The following TSHZ2 variants were observed in gnomAD, a reference collection of about 807,000 sequenced individuals.
TSHZ2 encodes teashirt zinc finger homeobox 2.
A neutral mutation model predicts 74.4 loss-of-function variants in TSHZ2; 21 were observed. That is an observed-to-expected ratio of 0.28 (90% confidence interval 0.20 to 0.41). TSHZ2 has a LOEUF of 0.41. Ranked by LOEUF, TSHZ2 falls within the 10% of genes least tolerant of loss-of-function variation. TSHZ2 has a pLI of 1.00. For synonymous variants in TSHZ2, 540 were observed against 515.3 expected (o/e 1.05, Z -0.65); for missense variants, 1,244 against 1,293.5 (o/e 0.96, Z 0.59).
rs145272176 is a variant in TSHZ2, at chr20:53,272,761, A to G, written c.*8+16190A>G. Among the ~76,000 whole-genome samples the G allele has an allele frequency of 3.0e-3, 457 of 152,274 alleles. 5 individuals are homozygous for G. Among genetic ancestry groups the G allele is most frequent in the African/African-American group, 0.011 (441 of 41,544 alleles). Reference sequence around the variant, plus strand: ...GATGTTTTTGCATCCGGGGTAAGAAATGTCTATGCTAACTCTTGGAGGAAC... The same window carrying G: ...GATGTTTTTGCATCCGGGGTAAGAAGTGTCTATGCTAACTCTTGGAGGAAC... On this transcript the variant is annotated intron_variant, in intron 2 of 2. Coordinates refer to ENST00000371497, the MANE Select transcript of TSHZ2 (RefSeq NM_173485.6).
chr20:53,198,648 A>C (rs1433534461), intron 1 of TSHZ2, among the ~76,000 whole-genome samples: 1 of 152,180 alleles, frequency 6.6e-6, no homozygotes, highest in Non-Finnish European at 1.5e-5. Context: ...TGCAAAGCAT[A>C]TTGGAAATTA....
intron 1 of TSHZ2, among the ~76,000 whole-genome samples, chr20:53,231,589 T>A (rs149762068): frequency 8.1e-4 from 123 of 152,342 alleles, no homozygotes; most frequent in Non-Finnish European, 1.5e-3. Flanking sequence ...ATCTTGACAC[T>A]GGTCCTTAGT....
intron 2 of TSHZ2, among the ~76,000 whole-genome samples, chr20:53,268,757 G>A (rs891975141): frequency 6.6e-6 from 1 of 152,158 alleles, no homozygotes; most frequent in African/African-American, 2.4e-5. Context: ...GCATGGTGAG[G>A]GTTTTAACCC....
intron 1 of TSHZ2, among the ~76,000 whole-genome samples, chr20:53,218,432 C>T (rs556681536): frequency 2.8e-4 from 43 of 152,358 alleles, no homozygotes; most frequent in Middle Eastern, 3.4e-3. Flanking sequence ...AATAGATAAT[C>T]GTAATAATAA....
At chr20:53,153,160 T>C (rs1294898246) in intron 1 of TSHZ2, among the ~76,000 whole-genome samples, 1 of 152,102 alleles carries the variant, frequency 6.6e-6, no homozygotes, top group Non-Finnish European at 1.5e-5. Flanking sequence ...TATTAGGAAG[T>C]TGATAAGAGA....
chr20:53,208,605 T>A (rs1204603334), intron 1 of TSHZ2: 1 of 152,158 alleles, frequency 6.6e-6, no homozygotes, highest in East Asian at 1.9e-4. Flanking sequence ...TGAGGCGGTC[T>A]GTGTGTCAAA....
chr20:53,333,106 T>G (rs1979792528), intron 2 of TSHZ2, among the ~76,000 whole-genome samples: 1 of 152,246 alleles, frequency 6.6e-6, no homozygotes, highest in Admixed American at 6.5e-5. Flanking sequence ...GCATGTCATT[T>G]GTCCTGCTCA....
intron 1 of TSHZ2, among the ~76,000 whole-genome samples, chr20:53,205,641 A>G (rs1276103514): frequency 2.6e-5 from 4 of 152,108 alleles, no homozygotes; most frequent in Non-Finnish European, 4.4e-5. Flanking sequence ...ATCCGAGCAT[A>G]TTTACCTGAA....
Position 53,492,191 on chromosome 20 carries a change from T to C in TSHZ2, c.*5056T>C, listed in dbSNP as rs1249493743. On this transcript the variant is annotated 3_prime_UTR_variant, in exon 3 of 3. Coordinates refer to ENST00000371497, the MANE Select transcript of TSHZ2 (RefSeq NM_173485.6). ...ATATCAGTCCCCTGCCAATAGCTAATATTAACAGAATTTGAACAATCATAC... is the reference window on the plus strand; with the variant it reads ...ATATCAGTCCCCTGCCAATAGCTAACATTAACAGAATTTGAACAATCATAC... The C allele has an allele frequency of 3.3e-5, 5 of 152,250 alleles. No individual in the cohort carries two copies. The highest frequency in any genetic ancestry group is 3.3e-4 in the Admixed American group (5 of 15,296). The allele number at this position is 152,250 out of a possible 1,614,324, so 9.4% of individuals were successfully genotyped here.
rs758124092 is a variant in TSHZ2 at position 53,255,316 on chromosome 20, C to T, written c.1858C>T (p.His620Tyr). The T allele has an allele frequency of 5.0e-6, 8 of 1,614,028 alleles. No individual in the cohort carries two copies. Among genetic ancestry groups the T allele is most frequent in the Non-Finnish European group, 6.8e-6 (8 of 1,179,954 alleles). The change falls in exon 2 of 3, where the codon CAC becomes TAC. Residue 620 changes from histidine to tyrosine, a missense_variant. This residue lies in a region of TSHZ2 where 562 missense variants were observed against 544.0 expected (regional missense o/e 1.03). Transcript: ENST00000371497. This position sits in a 1 kb window ranked among gnomAD's most constrained non-coding sequence, Gnocchi z 4.1. Reference protein sequence around the residue: ...AVKECGKESPHEEASSFSHSE... With the variant: ...AVKECGKESPYEEASSFSHSE... ...GAAGGAGTGTGGGAAAGAAAGTCCC[C>T]ACGAAGAGGCCTCATCTTTCAGCCA...
At chr20:53,075,558 G>A (rs929710962) in intron 1 of TSHZ2, among the ~76,000 whole-genome samples, 1 of 152,134 alleles carries the variant, frequency 6.6e-6, no homozygotes, top group East Asian at 1.9e-4. Flanking sequence ...CACAGAGAGG[G>A]GAGAAGCAAG....
At chr20:53,073,442 A>G (rs1985261892) in intron 1 of TSHZ2, among the ~76,000 whole-genome samples, 1 of 151,672 alleles carries the variant, frequency 6.6e-6, no homozygotes, top group Non-Finnish European at 1.5e-5. Flanking sequence ...CCCTCCATCC[A>G]TCCATCCATT....
intron 2 of TSHZ2, among the ~76,000 whole-genome samples, chr20:53,257,084 A>G (rs1990498897): frequency 1.3e-5 from 2 of 152,196 alleles, no homozygotes; most frequent in South Asian, 2.1e-4. Flanking sequence ...TGTCTTTATG[A>G]TTGTTACTTG....
At chr20:53,336,814 A>G (rs995194330) in intron 2 of TSHZ2, among the ~76,000 whole-genome samples, 4 of 152,206 alleles carry the variant, frequency 2.6e-5, no homozygotes, top group Non-Finnish European at 4.4e-5. Context: ...AATGTATTAT[A>G]TATATGAATA....
intron 1 of TSHZ2, among the ~76,000 whole-genome samples, chr20:53,027,585 G>C (rs111877921): frequency 6.6e-6 from 1 of 152,064 alleles, no homozygotes. Context: ...CTGCGTTCAA[G>C]GTACCAACAA....
chr20:53,436,539 A>ATTTTTTTTTTTTTTTTTTTTTTTTTTT (rs1368192791), intron 2 of TSHZ2, among the ~76,000 whole-genome samples: 2 of 90,036 alleles, frequency 2.2e-5, no homozygotes, highest in Admixed American at 2.7e-4. Flanking sequence ...TATTATTATT[A>ATTTTTTTTTTTTTTTTTTTTTTTTTTT]TTATTATTAT....
chr20:53,364,384 CA>C, intron 2 of TSHZ2, among the ~76,000 whole-genome samples: 1 of 152,268 alleles, frequency 6.6e-6, no homozygotes, highest in East Asian at 1.9e-4. Context: ...CATGTTCAAA[CA>C]AGAGTCAGGG....
At chr20:52,976,635 T>G (rs2122861554) in intron 1 of TSHZ2, among the ~76,000 whole-genome samples, 1 of 152,362 alleles carries the variant, frequency 6.6e-6, no homozygotes, top group East Asian at 1.9e-4. Flanking sequence ...ACTTAGAATC[T>G]AACTCTTGAT....
rs180688571 is a variant in TSHZ2, at chr20:53,422,456, C to T, written c.*9-64688C>T. Among the ~76,000 whole-genome samples, 145 of 152,134 alleles carry T rather than the reference C, an allele frequency of 9.5e-4. 1 individual carries two copies. Among genetic ancestry groups the T allele is most frequent in the East Asian group, 3.5e-3 (18 of 5,166 alleles). ...GTGGTGGTTGCTATTATAGACGAGA[C>T]GAAAGGAAAAACTCACAGCAATTTA... On this transcript the variant is annotated intron_variant, in intron 2 of 2. Transcript: ENST00000371497.
Sources: allele counts gnomAD v4.1 joint callset (sites outside exome capture counted in the v4.1 genomes callset), GRCh38; gene constraint gnomAD v4.1.1; regional missense constraint gnomAD v4.1.1; non-coding constraint Gnocchi (gnomAD v3.1); transcripts MANE v1.5; gene names NCBI Gene and HGNC (gene_info 2026-07-23, HGNC 2026-07-21).